XRCC5: variants seen among roughly 807,000 people sequenced by gnomAD.
The protein encoded by XRCC5 is DNA repair protein Ku80.
A neutral mutation model predicts 95.7 loss-of-function variants in XRCC5; 12 were observed. The ratio of observed to expected loss-of-function variants is 0.13; its 90% CI spans 0.08 to 0.20. The LOEUF (loss-of-function observed/expected upper bound fraction) is 0.20, where lower values mean the gene tolerates loss of function less well. Ranked by LOEUF, XRCC5 falls within the 10% of genes least tolerant of loss-of-function variation. The pLI is 1.00. For missense variants in XRCC5, 595 were observed against 873.9 expected, an observed-to-expected ratio of 0.68 and a Z score of 4.02; for synonymous variants, 281 against 290.3, an observed-to-expected ratio of 0.97 and a Z score of 0.33.
chr2:216,163,697 G>C lies in XRCC5; in HGVS notation c.1834+1649G>C, dbSNP rs559168606. Among the ~76,000 whole-genome samples, 13 of 152,282 alleles carry C rather than the reference G, an allele frequency of 8.5e-5. No individual in the cohort carries two copies. In the South Asian group the frequency reaches 2.7e-3, roughly 32 times the overall value. On this transcript the variant is annotated intron_variant, in intron 16 of 20. Transcript: ENST00000392132. ...TCTAGGAATCCTGGCAAGATCCCCA[G>C]ATCTACTGTGCTGTTGTCCAGAGGC...
intron 16 of XRCC5, among the ~76,000 whole-genome samples, chr2:216,168,777 T>TA (rs1266312010): frequency 6.6e-6 from 1 of 152,222 alleles, no homozygotes; most frequent in African/African-American, 2.4e-5. Flanking sequence ...AAGGTGGAAA[T>TA]AGCAAGGCCA....
At chr2:216,152,468 G>A (rs1487614373) in intron 14 of XRCC5, among the ~76,000 whole-genome samples, 1 of 151,790 alleles carries the variant, frequency 6.6e-6, no homozygotes, top group African/African-American at 2.4e-5. Flanking sequence ...AAATTTGGGT[G>A]GGAACACAAA....
rs1261409650 is a variant in XRCC5 at position 216,132,562 on chromosome 2, A to T, written c.1113+175A>T. On this transcript the variant is annotated intron_variant, in intron 10 of 20. Transcript: ENST00000392132. ...ATGTGGTAAATGGATTTGTGTTAGCATGAGCACAAGACCCGAGGACATGGA... is the reference window on the plus strand; with the variant it reads ...ATGTGGTAAATGGATTTGTGTTAGCTTGAGCACAAGACCCGAGGACATGGA... Among the ~76,000 whole-genome samples the T allele has an allele frequency of 4.6e-5, 7 of 152,356 alleles. No homozygotes were observed. In the East Asian group the frequency reaches 1.3e-3, roughly 29 times the overall value.
At chr2:216,156,794 A>G in intron 14 of XRCC5, 1 of 500,310 alleles carries the variant, frequency 2.0e-6, no homozygotes, top group East Asian at 5.5e-5. Flanking sequence ...TAACCACACA[A>G]TCCTGTCCAG....
intron 10 of XRCC5, 134 bp downstream of exon 10, chr2:216,132,521 T>G: frequency 3.5e-6 from 3 of 865,992 alleles, no homozygotes; most frequent in Non-Finnish European, 1.9e-6. Context: ...CCACTGATGT[T>G]TAACTGAAAA....
intron 9 of XRCC5, 53 bp from the exon 10 acceptor site, chr2:216,132,272 G>T: frequency 6.4e-7 from 1 of 1,552,488 alleles, no homozygotes; most frequent in Non-Finnish European, 8.9e-7. Context: ...GTGTGTCATG[G>T]TTATACATGT....
intron 10 of XRCC5, among the ~76,000 whole-genome samples, chr2:216,132,920 T>C (rs1457927727): frequency 6.6e-6 from 1 of 152,212 alleles, no homozygotes; most frequent in East Asian, 1.9e-4. Flanking sequence ...GAACTAACTT[T>C]GTTGGAGATA....
chr2:216,118,097 G>A (rs1216022889), intron 4 of XRCC5, among the ~76,000 whole-genome samples: 6 of 151,844 alleles, frequency 4.0e-5, no homozygotes, highest in Non-Finnish European at 8.8e-5. Flanking sequence ...AGTGGTATAA[G>A]CCATATGTCA....
intron 2 of XRCC5, among the ~76,000 whole-genome samples, chr2:216,114,630 C>T (rs940600499): frequency 1.8e-4 from 28 of 151,888 alleles, no homozygotes; most frequent in African/African-American, 6.3e-4. Context: ...AGGTTATCAT[C>T]GAGGGGAAGA....
intron 16 of XRCC5, among the ~76,000 whole-genome samples, chr2:216,176,506 T>G (rs1024350034): frequency 3.3e-5 from 5 of 152,234 alleles, no homozygotes; most frequent in African/African-American, 1.2e-4. Context: ...TTTGTTCCTT[T>G]TGTCTAATTT....
intron 19 of XRCC5, among the ~76,000 whole-genome samples, chr2:216,200,088 C>T (rs1689808008): frequency 6.6e-6 from 1 of 152,102 alleles, no homozygotes; most frequent in Non-Finnish European, 1.5e-5. Context: ...TGCCTCACAG[C>T]AAGCTAGTGG....
At chr2:216,166,668 C>T (rs768559821) in intron 16 of XRCC5, among the ~76,000 whole-genome samples, 3 of 152,090 alleles carry the variant, frequency 2.0e-5, no homozygotes, top group Non-Finnish European at 2.9e-5. Flanking sequence ...CAGCTCCTTG[C>T]GCTTTCCCAA....
intron 12 of XRCC5, among the ~76,000 whole-genome samples, chr2:216,140,391 A>G (rs1460854727): frequency 2.0e-5 from 3 of 152,236 alleles, no homozygotes; most frequent in Non-Finnish European, 4.4e-5. Flanking sequence ...TGAATCAGTA[A>G]AATGAAAGTT....
intron 10 of XRCC5, among the ~76,000 whole-genome samples, chr2:216,134,553 G>A (rs181917592): frequency 1.5e-4 from 22 of 151,046 alleles, no homozygotes; most frequent in African/African-American, 3.4e-4. Context: ...TCAGCCTCCC[G>A]AGTAGCTGGG....
chr2:216,160,410 A>G (rs997154325), intron 15 of XRCC5, among the ~76,000 whole-genome samples: 1 of 152,334 alleles, frequency 6.6e-6, no homozygotes, highest in Admixed American at 6.5e-5. Flanking sequence ...AACGTGGAAC[A>G]TCTCAGTGTT....
chr2:216,156,568 C>A, intron 14 of XRCC5: 1 of 593,764 alleles, frequency 1.7e-6, no homozygotes. Context: ...GGTTAGCTTT[C>A]CCATGGTACT....
At chr2:216,181,504 G>A (rs1005540245) in intron 16 of XRCC5, among the ~76,000 whole-genome samples, 5 of 152,098 alleles carry the variant, frequency 3.3e-5, no homozygotes, top group Non-Finnish European at 7.4e-5. Flanking sequence ...TGCCCTTGCA[G>A]CATCGGCTTT....
At chr2:216,174,431 CT>C (rs1553576867) in intron 16 of XRCC5, among the ~76,000 whole-genome samples, 1 of 152,186 alleles carries the variant, frequency 6.6e-6, no homozygotes, top group East Asian at 1.9e-4. Context: ...CAATAATCTT[CT>C]TTATTTGTTA....
At chr2:216,193,775 TGA>T (rs1689663454) in intron 18 of XRCC5, among the ~76,000 whole-genome samples, 1 of 152,244 alleles carries the variant, frequency 6.6e-6, no homozygotes, top group Non-Finnish European at 1.5e-5. Flanking sequence ...TATATGCCAC[TGA>T]GAGAATACAG....
Sources: allele counts gnomAD v4.1 joint callset (sites outside exome capture counted in the v4.1 genomes callset), GRCh38; gene constraint gnomAD v4.1.1; transcripts MANE v1.5; gene names NCBI Gene and HGNC (gene_info 2026-07-23, HGNC 2026-07-21).